TGM6: variants seen among roughly 807,000 people sequenced by gnomAD.
The protein encoded by TGM6 is protein-glutamine gamma-glutamyltransferase 6.
TGM6 carries 74 observed loss-of-function variants against 77.5 expected under a neutral mutation model. The ratio of observed to expected loss-of-function variants is 0.96; its 90% CI spans 0.79 to 1.16. The LOEUF (loss-of-function observed/expected upper bound fraction) is 1.16. Ranked by LOEUF, TGM6 falls within the 50% of genes most tolerant of loss-of-function variation. The probability of loss-of-function intolerance (pLI) is 0.00; values close to 1 mark genes in which losing one functional copy is unlikely to be tolerated. For synonymous variants in TGM6, 383 were observed against 378.9 expected (o/e 1.01, Z -0.12); for missense variants, 968 against 940.2 (o/e 1.03, Z -0.39).
intron 9 of TGM6, among the ~76,000 whole-genome samples, 158 bp downstream of exon 9, chr20:2,403,981 T>G (rs2084733083): frequency 6.6e-6 from 1 of 152,212 alleles, no homozygotes; most frequent in South Asian, 2.1e-4. Flanking sequence ...CCAAGTGCCT[T>G]TATTTAGGCT....
chr20:2,429,869 A>C (rs1467222525), intron 10 of TGM6, among the ~76,000 whole-genome samples: 1 of 152,200 alleles, frequency 6.6e-6, no homozygotes, highest in African/African-American at 2.4e-5. Context: ...AGAGATGGCC[A>C]GGACCACAGG....
intron 10 of TGM6, among the ~76,000 whole-genome samples, chr20:2,427,717 C>A (rs1264118070): frequency 1.3e-5 from 2 of 152,096 alleles, no homozygotes; most frequent in Non-Finnish European, 2.9e-5. Flanking sequence ...TTTGCTGCAA[C>A]CTACAAGTTT....
At chr20:2,399,156 A>G (rs10611332) in intron 5 of TGM6, among the ~76,000 whole-genome samples, 45,184 of 146,366 alleles carry the variant, frequency 0.31, 7,321 homozygotes, top group South Asian at 0.4. Context: ...AAAAAAAAAA[A>G]AGAATAATGA....
chr20:2,396,625 G>T lies in TGM6; in HGVS notation c.543+1G>T, dbSNP rs750147778. 1.1e-4 allele frequency: 170 copies of T among 1,614,010 alleles called. No homozygotes were observed. Among genetic ancestry groups the T allele is most frequent in the Non-Finnish European group, 1.4e-4 (167 of 1,179,988 alleles). ...AGCCCAGGGCTGGAACTACGGGCAG[G>T]TCTCCAGGGGCACAGGCCAGACAAG... On this transcript the variant is annotated splice_donor_variant, in intron 4 of 12. Coordinates refer to ENST00000202625, the MANE Select transcript of TGM6 (RefSeq NM_198994.3). LOFTEE classifies it high-confidence loss of function.
At chr20:2,397,634 G>A (rs908798771) in intron 4 of TGM6, among the ~76,000 whole-genome samples, 23 of 152,322 alleles carry the variant, frequency 1.5e-4, no homozygotes, top group Non-Finnish European at 7.4e-5. Context: ...GATGTGGCTC[G>A]AGAGCCTCCG....
At chr20:2,404,457 A>T (rs937979981) in intron 9 of TGM6, among the ~76,000 whole-genome samples, 2 of 152,130 alleles carry the variant, frequency 1.3e-5, no homozygotes, top group Non-Finnish European at 2.9e-5. Flanking sequence ...TGTTAAATCC[A>T]TGTCACCAAG....
At chr20:2,410,837 A>G (rs899943217) in intron 9 of TGM6, among the ~76,000 whole-genome samples, 13 of 152,242 alleles carry the variant, frequency 8.5e-5, no homozygotes, top group African/African-American at 3.1e-4. Flanking sequence ...GCGTGACAAC[A>G]TATTAGATAA....
chr20:2,427,036 T>C (rs1409188345), intron 10 of TGM6, among the ~76,000 whole-genome samples: 1 of 152,182 alleles, frequency 6.6e-6, no homozygotes, highest in Non-Finnish European at 1.5e-5. Context: ...AGTATTTCTC[T>C]GCTTCCATTT....
chr20:2,427,778 CAG>C (rs1252492296), intron 10 of TGM6, among the ~76,000 whole-genome samples: 1 of 152,040 alleles, frequency 6.6e-6, no homozygotes, highest in African/African-American at 2.4e-5. Context: ...GCTTTTCAGA[CAG>C]AGTCTCGTTC....
chr20:2,406,933 C>T (rs984973720), intron 9 of TGM6, among the ~76,000 whole-genome samples: 10 of 148,754 alleles, frequency 6.7e-5, no homozygotes, highest in South Asian at 2.1e-4. Context: ...TGTTACTGAG[C>T]GCTGGCTGTG....
At chr20:2,404,072 C>T (rs1326379607) in intron 9 of TGM6, among the ~76,000 whole-genome samples, 2 of 152,252 alleles carry the variant, frequency 1.3e-5, no homozygotes, top group African/African-American at 4.8e-5. Flanking sequence ...AGCTACATCT[C>T]CTTGAACACT....
rs145018385 is a variant in TGM6 at position 2,398,032 on chromosome 20, G to T, written c.658G>T (p.Val220Phe). Reference protein sequence around the residue: ...CRHNPIYVTRVISAMVNSNND... With the variant: ...CRHNPIYVTRFISAMVNSNND... ...CCACAACCCCATCTACGTCACCAGGGTCATCAGTGCCATGGTGAGAAGCCC... is the reference window on the plus strand; with the variant it reads ...CCACAACCCCATCTACGTCACCAGGTTCATCAGTGCCATGGTGAGAAGCCC... Residue 220 changes from valine (V) to phenylalanine (F), a missense_variant, in exon 5 of 13, where the codon GTC becomes TTC. Physicochemically the swap from Val to Phe is conservative, Grantham distance 50. Coordinates refer to ENST00000202625, the MANE Select transcript of TGM6 (RefSeq NM_198994.3). 6.0e-5 allele frequency: 97 copies of T among 1,613,974 alleles called. No individual in the cohort carries two copies. In the Middle Eastern group the frequency reaches 6.6e-4, roughly 11 times the overall value.
chr20:2,405,222 T>G (rs2084741417), intron 9 of TGM6, among the ~76,000 whole-genome samples: 2 of 152,180 alleles, frequency 1.3e-5, no homozygotes, highest in Admixed American at 6.5e-5. Context: ...GATGAAGCTG[T>G]GAGGTTTCTA....
At position 2,417,428 on chromosome 20, in the gene TGM6, G is replaced by A. The variant is rs2084824694; in HGVS notation, c.1533G>A (p.Leu511=). 6 of 1,612,790 alleles carry A rather than the reference G, an allele frequency of 3.7e-6. No individual in the cohort carries two copies. Among genetic ancestry groups the A allele is most frequent in the Non-Finnish European group, 5.1e-6 (6 of 1,180,028 alleles). The change falls in exon 10 of 13, where the codon CTG becomes CTA. Residue 511 remains leucine, a synonymous_variant. Transcript: ENST00000202625. The stretch of plus-strand genomic sequence containing the variant: ...AGCCTCCCATGCTGGGCCACGACCT[G>A]AGACTGGCCCTGTGCTTGGCCAACC... ...VLEPPMLGHD[L]RLALCLANLT... is the part of the protein sequence containing the mutation.
chr20:2,426,598 A>G (rs1384116034), intron 10 of TGM6, among the ~76,000 whole-genome samples: 2 of 152,210 alleles, frequency 1.3e-5, no homozygotes, highest in African/African-American at 4.8e-5. Context: ...GTTCCTAATC[A>G]TCATGGGAAA....
intron 1 of TGM6, among the ~76,000 whole-genome samples, chr20:2,383,515 C>T (rs982364136): frequency 2.0e-5 from 3 of 152,184 alleles, no homozygotes; most frequent in Non-Finnish European, 2.9e-5. Flanking sequence ...CAGGGCCTGA[C>T]TGTCAAGGAC....
In TGM6 at chr20:2,432,577, C is replaced by A. The variant is rs1330071218; in HGVS notation, c.2055C>A (p.Asp685Glu). ...GTGGCCCAAGGCAGCTGCAGGTGGA[C>A]CTTGTAAGCCCTCACTTCCCGGACA... ...SKSGPRQLQV[D>E]LVSPHFPDIK... Residue 685 changes from aspartate to glutamate, a missense_variant, in exon 13 of 13, where the codon GAC becomes GAA. Asp to Glu is a conservative substitution (Grantham distance 45, BLOSUM62 2). Coordinates refer to ENST00000202625, the MANE Select transcript of TGM6 (RefSeq NM_198994.3). 3 of 1,614,092 alleles carry A rather than the reference C, an allele frequency of 1.9e-6. No homozygotes were observed. Among genetic ancestry groups the A allele is most frequent in the Non-Finnish European group, 2.5e-6 (3 of 1,180,004 alleles).
At chr20:2,426,546 A>T (rs2084888934) in intron 10 of TGM6, among the ~76,000 whole-genome samples, 1 of 152,322 alleles carries the variant, frequency 6.6e-6, no homozygotes, top group Middle Eastern at 3.4e-3. Flanking sequence ...GACTTCCAAT[A>T]TGATGTTGAA....
intron 1 of TGM6, among the ~76,000 whole-genome samples, chr20:2,383,835 C>T (rs974515995): frequency 4.6e-5 from 7 of 152,166 alleles, no homozygotes; most frequent in Middle Eastern, 6.8e-3. Context: ...AGGCCGGGCG[C>T]GGTGGCTCAC....
Sources: allele counts gnomAD v4.1 joint callset (sites outside exome capture counted in the v4.1 genomes callset), GRCh38; gene constraint gnomAD v4.1.1; transcripts MANE v1.5; gene names NCBI Gene and HGNC (gene_info 2026-07-23, HGNC 2026-07-21).